TENM4: variants seen among roughly 807,000 people sequenced by gnomAD.
The protein encoded by TENM4 is teneurin transmembrane protein 4.
A neutral mutation model predicts 243.3 loss-of-function variants in TENM4; 82 were observed. The observed-to-expected ratio is 0.34, with a 90% confidence interval of 0.28 to 0.40. The LOEUF (loss-of-function observed/expected upper bound fraction) is 0.40. Among genes scored for constraint, TENM4 ranks in the 10% least tolerant of loss-of-function variants. TENM4 has a pLI of 1.00. For missense variants in TENM4, 3,138 were observed against 3,673.3 expected (o/e 0.85, Z 3.77); for synonymous variants, 1,412 against 1,456.3 (o/e 0.97, Z 0.69).
intron 2 of TENM4, among the ~76,000 whole-genome samples, chr11:79,247,164 C>A (rs1855532982): frequency 6.6e-6 from 1 of 151,712 alleles, no homozygotes; most frequent in Non-Finnish European, 1.5e-5. Flanking sequence ...CGCCTGTAAT[C>A]CCAGCATTTT....
At chr11:78,740,156 T>C (rs1464712865) in intron 19 of TENM4, among the ~76,000 whole-genome samples, 3 of 152,208 alleles carry the variant, frequency 2.0e-5, no homozygotes, top group Admixed American at 6.5e-5. Context: ...ACGAGGCCCA[T>C]GGGCATTCAT....
chr11:78,998,292 C>T lies in TENM4; in HGVS notation c.493+66446G>A, dbSNP rs1164903595. Among the ~76,000 whole-genome samples the T allele has an allele frequency of 3.3e-5, 5 of 152,184 alleles. No individual in the cohort carries two copies. The East Asian group carries it at 7.7e-4, about 23-fold the overall frequency. Reference sequence around the variant, plus strand: ...GAGGACACTGGGCAAGTCACTTAGCCTCTCTGAGCTTCACTTTCTTTATCT... The same window carrying T: ...GAGGACACTGGGCAAGTCACTTAGCTTCTCTGAGCTTCACTTTCTTTATCT... On this transcript the variant is annotated intron_variant, in intron 6 of 33. Transcript: ENST00000278550.
chr11:79,277,764 G>A (rs1856084833), intron 2 of TENM4, among the ~76,000 whole-genome samples: 1 of 152,114 alleles, frequency 6.6e-6, no homozygotes, highest in Non-Finnish European at 1.5e-5. Flanking sequence ...TGCAGACAGA[G>A]AAACCCCAAA....
chr11:79,285,375 T>G (rs1856232083), intron 2 of TENM4, among the ~76,000 whole-genome samples: 1 of 152,056 alleles, frequency 6.6e-6, no homozygotes, highest in South Asian at 2.1e-4. Context: ...GAAAAGGATG[T>G]AAAAAAATTG....
chr11:79,148,991 A>G (rs887612421), intron 3 of TENM4, among the ~76,000 whole-genome samples, 185 bp from the exon 4 acceptor site: 4 of 152,150 alleles, frequency 2.6e-5, no homozygotes, highest in Admixed American at 6.6e-5. Flanking sequence ...GAAAGATGCA[A>G]CTAAAGTAGC....
At chr11:78,973,699 T>C (rs999230206) in intron 6 of TENM4, among the ~76,000 whole-genome samples, 4 of 151,836 alleles carry the variant, frequency 2.6e-5, no homozygotes, top group Admixed American at 1.3e-4. Context: ...AATAACTATA[T>C]AGAACAAGAT....
chr11:79,165,873 A>C (rs1862900743), intron 3 of TENM4, among the ~76,000 whole-genome samples: 1 of 152,146 alleles, frequency 6.6e-6, no homozygotes, highest in African/African-American at 2.4e-5. Context: ...ACAATTATCC[A>C]AGTACCATTT....
intron 5 of TENM4, among the ~76,000 whole-genome samples, chr11:79,069,423 A>AGG (rs1196375160): frequency 1.3e-5 from 2 of 152,172 alleles, no homozygotes; most frequent in Non-Finnish European, 2.9e-5. Flanking sequence ...TGAGGCTTAG[A>AGG]GGGGAGCCTA....
chr11:79,072,252 G>A (rs1334546600), intron 4 of TENM4, among the ~76,000 whole-genome samples: 2 of 152,102 alleles, frequency 1.3e-5, no homozygotes, highest in African/African-American at 4.8e-5. Context: ...TTTAGGAGGC[G>A]AAGTGGAAGG....
intron 6 of TENM4, among the ~76,000 whole-genome samples, chr11:78,939,444 A>G (rs1355257790): frequency 1.3e-5 from 2 of 152,140 alleles, no homozygotes; most frequent in African/African-American, 4.8e-5. Context: ...TTTCACAACA[A>G]TGTCTTGTTC....
At chr11:78,765,512 T>C (rs7104372) in intron 18 of TENM4, among the ~76,000 whole-genome samples, 44,434 of 152,096 alleles carry the variant, frequency 0.29, 8,771 homozygotes, top group African/African-American at 0.56. Flanking sequence ...CAACCCATGA[T>C]TGTTTTTTCA....
intron 4 of TENM4, among the ~76,000 whole-genome samples, chr11:79,102,248 G>A (rs1861250853): frequency 6.6e-6 from 1 of 152,174 alleles, no homozygotes; most frequent in African/African-American, 2.4e-5. Flanking sequence ...TAAACAGAAG[G>A]AATAGGCATC....
At chr11:78,845,552 CA>C (rs1402725915) in intron 12 of TENM4, among the ~76,000 whole-genome samples, 1 of 152,214 alleles carries the variant, frequency 6.6e-6, no homozygotes, top group Non-Finnish European at 1.5e-5. Flanking sequence ...CCACCAGTGC[CA>C]ATTCCAGCAG....
intron 7 of TENM4, among the ~76,000 whole-genome samples, chr11:78,900,129 C>G (rs1054809414): frequency 6.6e-6 from 1 of 152,242 alleles, no homozygotes; most frequent in Non-Finnish European, 1.5e-5. Context: ...CCTAGCTGAG[C>G]TCTTCCTAAA....
chr11:79,217,866 G>A (rs1273310824), intron 2 of TENM4, among the ~76,000 whole-genome samples: 3 of 152,102 alleles, frequency 2.0e-5, no homozygotes, highest in East Asian at 3.9e-4. Context: ...GGGATTACAG[G>A]TGCCCACCAC....
chr11:78,985,514 TTAAC>T (rs1857896709), intron 6 of TENM4, among the ~76,000 whole-genome samples: 1 of 152,228 alleles, frequency 6.6e-6, no homozygotes. Context: ...ATTCATTACT[TTAAC>T]TATTACTGAG....
intron 27 of TENM4, among the ~76,000 whole-genome samples, chr11:78,703,738 C>A (rs567286246): frequency 1.3e-5 from 2 of 152,106 alleles, no homozygotes; most frequent in South Asian, 4.1e-4. Flanking sequence ...CTGATTTTTC[C>A]ACCCCACCTA....
intron 2 of TENM4, among the ~76,000 whole-genome samples, chr11:79,232,588 T>A (rs766779416): frequency 1.3e-5 from 2 of 152,164 alleles, no homozygotes; most frequent in Non-Finnish European, 2.9e-5. Flanking sequence ...AGCTGCTGAG[T>A]GCATCCCAAA....
intron 28 of TENM4, among the ~76,000 whole-genome samples, chr11:78,700,687 C>T (rs1287116514): frequency 6.6e-6 from 1 of 152,124 alleles, no homozygotes; most frequent in Non-Finnish European, 1.5e-5. Context: ...CTGATCACAC[C>T]TCTTAAGAAG....
Sources: gnomAD v4.1 joint callset for allele counts (sites outside exome capture counted in the v4.1 genomes callset) on GRCh38, gnomAD v4.1.1 for gene constraint, MANE v1.5 for transcripts, NCBI Gene and HGNC (gene_info 2026-07-23, HGNC 2026-07-21) for gene names.